The following PDE4B variants were observed in gnomAD, a reference collection of about 807,000 sequenced individuals.
PDE4B encodes 3',5'-cyclic-AMP phosphodiesterase 4B.
Under a neutral mutation model 82.2 loss-of-function variants are expected in PDE4B, and 20 were observed. That is an observed-to-expected ratio of 0.24 (90% CI 0.17 to 0.35). The LOEUF is 0.35. PDE4B is among the 10% of genes least tolerant of loss of function. The pLI, the probability that PDE4B is intolerant of heterozygous loss-of-function variation, is 1.00. For synonymous variants in PDE4B, 320 were observed against 318.9 expected, an observed-to-expected ratio of 1.00 and a Z score of -0.04; for missense variants, 655 against 907.2, an observed-to-expected ratio of 0.72 and a Z score of 3.57.
chr1:65,851,144 T>A (rs530316649), intron 1 of PDE4B, among the ~76,000 whole-genome samples: 106 of 152,292 alleles, frequency 7.0e-4, no homozygotes, highest in African/African-American at 2.4e-3. Context: ...TTGATATGTT[T>A]CTGGATTCTC....
intron 3 of PDE4B, among the ~76,000 whole-genome samples, chr1:65,967,115 A>G (rs1439163545): frequency 2.0e-5 from 3 of 152,232 alleles, no homozygotes; most frequent in Admixed American, 2.0e-4. Context: ...ACAGAATGGG[A>G]GAAAATTTTT....
At chr1:66,170,309 A>G (rs183414090) in intron 3 of PDE4B, among the ~76,000 whole-genome samples, 30 of 152,344 alleles carry the variant, frequency 2.0e-4, no homozygotes, top group Admixed American at 2.0e-3. Flanking sequence ...TAGGGAAAAT[A>G]CTATGCTTTG....
intron 3 of PDE4B, among the ~76,000 whole-genome samples, chr1:66,037,760 T>A (rs1019905883): frequency 6.6e-6 from 1 of 152,158 alleles, no homozygotes; most frequent in African/African-American, 2.4e-5. Context: ...AATATTGGCA[T>A]CATTTTCAAC....
chr1:66,266,509 A>C (rs1209321802), intron 7 of PDE4B, among the ~76,000 whole-genome samples: 1 of 152,222 alleles, frequency 6.6e-6, no homozygotes, highest in Non-Finnish European at 1.5e-5. Flanking sequence ...CTTAATGTCA[A>C]CTATAGATTC....
intron 3 of PDE4B, among the ~76,000 whole-genome samples, chr1:66,116,632 C>G (rs1007358954): frequency 4.6e-5 from 7 of 152,178 alleles, no homozygotes; most frequent in African/African-American, 1.7e-4. Flanking sequence ...TGCACAATCA[C>G]AGCTCACTGC....
At chr1:66,074,422 C>A (rs1656313987) in intron 3 of PDE4B, among the ~76,000 whole-genome samples, 1 of 152,126 alleles carries the variant, frequency 6.6e-6, no homozygotes, top group Non-Finnish European at 1.5e-5. Context: ...AAAGCCCATG[C>A]TCGTTGAAAA....
rs183661141 is a variant in PDE4B at position 66,188,770 on chromosome 1, G to T, written c.282-58690G>T. On this transcript the variant is annotated intron_variant, in intron 3 of 16. Coordinates refer to ENST00000341517, the MANE Select transcript of PDE4B (RefSeq NM_002600.4). ...GTTTCCTGAATACAGCACACTGATC[G>T]GTCTTGACTGTTTATCCAATTTGCC... 5.3e-5 allele frequency among the ~76,000 whole-genome samples: 8 copies of T among 151,766 alleles called. No homozygotes were observed. In the East Asian group the frequency reaches 1.4e-3, roughly 26 times the overall value.
At chr1:66,248,318 T>G (rs2101677828) in intron 4 of PDE4B, among the ~76,000 whole-genome samples, 1 of 152,310 alleles carries the variant, frequency 6.6e-6, no homozygotes, top group Non-Finnish European at 1.5e-5. Flanking sequence ...CAAATAAAAT[T>G]GGATTCTGGA....
chr1:66,216,146 G>A (rs986554397), intron 3 of PDE4B, among the ~76,000 whole-genome samples: 2 of 151,426 alleles, frequency 1.3e-5, no homozygotes, highest in Non-Finnish European at 2.9e-5. Context: ...GTCGGTGAGG[G>A]TATTTCTGAT....
intron 2 of PDE4B, among the ~76,000 whole-genome samples, chr1:65,913,666 T>C (rs1275457329): frequency 1.3e-5 from 2 of 152,208 alleles, no homozygotes; most frequent in Non-Finnish European, 2.9e-5. Flanking sequence ...TGCATTATCA[T>C]CAGTTCTCTG....
intron 3 of PDE4B, among the ~76,000 whole-genome samples, chr1:66,084,942 A>C (rs948876397): frequency 6.6e-6 from 1 of 152,144 alleles, no homozygotes; most frequent in Admixed American, 6.6e-5. Flanking sequence ...ACATGCATAG[A>C]GTTAGGGCAG....
chr1:65,866,252 A>G (rs1037590344), intron 1 of PDE4B, among the ~76,000 whole-genome samples: 1 of 152,192 alleles, frequency 6.6e-6, no homozygotes, highest in African/African-American at 2.4e-5. Context: ...TTTATGTTAC[A>G]TAAATGTAAG....
intron 3 of PDE4B, among the ~76,000 whole-genome samples, chr1:66,029,495 A>C (rs961022609): frequency 6.6e-6 from 1 of 152,216 alleles, no homozygotes. Flanking sequence ...TTATATTACA[A>C]ATATTTTACA....
At chr1:66,242,865 C>T (rs1366600421) in intron 3 of PDE4B, among the ~76,000 whole-genome samples, 1 of 152,230 alleles carries the variant, frequency 6.6e-6, no homozygotes, top group African/African-American at 2.4e-5. Context: ...TGGCAGTCTG[C>T]TGCCATCTGC....
intron 3 of PDE4B, among the ~76,000 whole-genome samples, chr1:66,129,616 C>G (rs376520707): frequency 0.013 from 1,907 of 147,034 alleles, 33 homozygotes; most frequent in African/African-American, 0.046. Flanking sequence ...GCCGAGATCC[C>G]GCCACTGCAC....
At chr1:66,273,474 C>A (rs1655656758) in intron 7 of PDE4B, among the ~76,000 whole-genome samples, 1 of 152,256 alleles carries the variant, frequency 6.6e-6, no homozygotes. Context: ...ATACTATGTG[C>A]ATAGGAAATA....
At chr1:65,945,583 A>G (rs1325271158) in intron 3 of PDE4B, among the ~76,000 whole-genome samples, 3 of 151,962 alleles carry the variant, frequency 2.0e-5, no homozygotes, top group Admixed American at 6.6e-5. Context: ...TTTCTGTTGC[A>G]AGGAGGTCCA....
intron 7 of PDE4B, among the ~76,000 whole-genome samples, chr1:66,286,430 G>T (rs1462413195): frequency 6.6e-6 from 1 of 152,076 alleles, no homozygotes; most frequent in Admixed American, 6.6e-5. Flanking sequence ...ATTTAATGGG[G>T]TTTTTCCTGC....
intron 1 of PDE4B, among the ~76,000 whole-genome samples, chr1:65,847,378 CT>C (rs1384441924): frequency 6.6e-6 from 1 of 152,198 alleles, no homozygotes; most frequent in Non-Finnish European, 1.5e-5. Context: ...AATTGCTGGG[CT>C]CTTCAACATG....
Sources: gnomAD v4.1 joint callset for allele counts (sites outside exome capture counted in the v4.1 genomes callset) on GRCh38, gnomAD v4.1.1 for gene constraint, MANE v1.5 for transcripts, NCBI Gene and HGNC (gene_info 2026-07-23, HGNC 2026-07-21) for gene names.